The following TOP3B variants were observed in gnomAD, a reference collection of about 807,000 sequenced individuals.
TOP3B encodes the protein DNA topoisomerase III beta.
In TOP3B, 45 loss-of-function variants were observed where a neutral mutation model predicts 93.9. The observed-to-expected ratio is 0.48, with a 90% CI of 0.38 to 0.61. The LOEUF (loss-of-function observed/expected upper bound fraction) is 0.61. TOP3B is among the 20% of genes least tolerant of loss of function. The pLI is 0.00. For missense variants in TOP3B, 750 were observed against 1,156.1 expected (o/e 0.65, Z 5.09); for synonymous variants, 357 against 472.6 (o/e 0.76, Z 3.17).
At chr22:21,962,228 T>C in intron 13 of TOP3B, 1 of 1,516,358 alleles carries the variant, frequency 6.6e-7, no homozygotes, top group East Asian at 2.4e-5. Context: ...GAAGGCCAGG[T>C]CCTGAATGGA....
intron 14 of TOP3B, 119 bp downstream of exon 14, chr22:21,960,202 G>A: frequency 6.9e-7 from 1 of 1,459,614 alleles, no homozygotes; most frequent in Non-Finnish European, 9.4e-7. Context: ...GAGGGAGTGT[G>A]TGTGGGGCTG....
intron 1 of TOP3B, among the ~76,000 whole-genome samples, chr22:21,980,901 G>T (rs9622637): frequency 0.029 from 4,464 of 152,316 alleles, 201 homozygotes; most frequent in African/African-American, 0.1. Flanking sequence ...CCTGCTGAGG[G>T]AATGAATGAA....
In TOP3B at chr22:21,971,143, G is replaced by C; in HGVS notation, c.384+734C>G. 1.1e-6 allele frequency: 1 copy of C among 907,092 alleles called. No individual in the cohort carries two copies. The allele number at this position is 907,092 out of a possible 1,614,324, so 56.2% of individuals were successfully genotyped here. A position where few individuals can be genotyped will look rare whatever the true frequency, so the allele number is the denominator to read the frequency against. On this transcript the variant is annotated intron_variant, in intron 5 of 17. Coordinates refer to ENST00000357179, the MANE Select transcript of TOP3B (RefSeq NM_001282112.2). The surrounding 1 kb of genome is among the most constrained non-coding windows in gnomAD (Gnocchi z 4.6). Reference sequence around the variant, plus strand: ...CCCCAGGGAGGAGCCGCCCTGCAGGGGAGGAGAGGGTATCTGGGAAGAGAC... The same window carrying C: ...CCCCAGGGAGGAGCCGCCCTGCAGGCGAGGAGAGGGTATCTGGGAAGAGAC...
intron 2 of TOP3B, 124 bp from the exon 3 acceptor site, chr22:21,974,612 G>A: frequency 1.2e-5 from 13 of 1,117,894 alleles, no homozygotes; most frequent in South Asian, 8.1e-5. Flanking sequence ...GGTGAGTGAC[G>A]ACATTCCGCA....
intron 13 of TOP3B, 83 bp from the exon 14 acceptor site, chr22:21,960,532 C>A: frequency 6.4e-7 from 1 of 1,574,000 alleles, no homozygotes; most frequent in South Asian, 1.1e-5. Context: ...TGTCACGGGG[C>A]CCCTGGTGCT....
Position 21,958,590 on chromosome 22 carries a change from T to G in TOP3B, c.2009A>C (p.Asp670Ala), listed in dbSNP as rs753902793. Reference protein sequence around the residue: ...LYKELRCPLDDFELVLWSSGS... With the variant: ...LYKELRCPLDAFELVLWSSGS... ...TGATGACCACAGGACCAGCTCGAAG[T>G]CATCCAGAGGGCAGCGGAGCTCCTT... Residue 670 changes from aspartate (D) to alanine (A), a missense_variant, in exon 17 of 18, where the codon GAC (aspartate) becomes GCC (alanine). By Grantham distance (126) the Asp-to-Ala change is moderately radical. Around this residue, in one of 4 missense-constraint regions of TOP3B, gnomAD observed 737 missense variants for 933.7 expected, o/e 0.79. Coordinates refer to ENST00000357179, the MANE Select transcript of TOP3B (RefSeq NM_001282112.2). 2.5e-6 allele frequency: 4 copies of G among 1,613,944 alleles called. No individual in the cohort carries two copies. In the Admixed American group the frequency reaches 6.7e-5, roughly 27 times the overall value.
Position 21,963,758 on chromosome 22 carries a change from T to G in TOP3B, c.1204+165A>C, listed in dbSNP as rs1312073852. 2.2e-5 allele frequency: 15 copies of G among 673,224 alleles called. No individual in the cohort carries two copies. The East Asian group carries it at 4.1e-4, about 18-fold the overall frequency. The allele number at this position is 673,224 out of a possible 1,614,324, so 41.7% of individuals were successfully genotyped here. On this transcript the variant is annotated intron_variant, in intron 11 of 17. Transcript: ENST00000357179. This position sits in a 1 kb window ranked among gnomAD's most constrained non-coding sequence, Gnocchi z 4.8. ...TGCTACCTCTTCACTCCTGTCCTGG[T>G]CCCATAGCAATGGAGCTCATCTTCC...
At chr22:21,968,096 C>G (rs946914206) in intron 7 of TOP3B, 4 of 286,752 alleles carry the variant, frequency 1.4e-5, no homozygotes, top group African/African-American at 8.7e-5. Context: ...CAGTGTCTCA[C>G]TGTGTTGCTA....
intron 14 of TOP3B, 81 bp from the exon 15 acceptor site, chr22:21,959,817 C>A (rs112582406): frequency 6.5e-7 from 1 of 1,544,046 alleles, no homozygotes; most frequent in Non-Finnish European, 8.7e-7. Flanking sequence ...AGGGATACTG[C>A]CCTGTTCACC....
Position 21,970,268 on chromosome 22 carries a change from C to A in TOP3B, c.523G>T (p.Ala175Ser). 6.2e-7 allele frequency: 1 copy of A among 1,613,952 alleles called. No individual in the cohort carries two copies. The highest frequency in any genetic ancestry group is 8.5e-7 in the Non-Finnish European group (1 of 1,180,032). The change falls in exon 6 of 18, where the codon GCG becomes TCG. Residue 175 changes from alanine (A) to serine (S), a missense_variant. Coordinates refer to ENST00000357179, the MANE Select transcript of TOP3B (RefSeq NM_001282112.2). This position sits in a 1 kb window ranked among gnomAD's most constrained non-coding sequence, Gnocchi z 4.4. Reference sequence around the variant, plus strand: ...TCCTGGCGAGCATCCACTGAGAGCGCCTCGTTGTGGTCAGGCTCGCCTAGG... The same window carrying A: ...TCCTGGCGAGCATCCACTGAGAGCGACTCGTTGTGGTCAGGCTCGCCTAGG... ...ACLGEPDHNE[A>S]LSVDARQELD...
At chr22:21,965,141 A>C (rs2071363926) in intron 9 of TOP3B, 144 bp downstream of exon 9, 1 of 494,614 alleles carries the variant, frequency 2.0e-6, no homozygotes. Context: ...CCACCTTTAC[A>C]ACCTAAGGAT....
intron 13 of TOP3B, chr22:21,961,851 C>T (rs2071197981): frequency 6.1e-6 from 1 of 164,774 alleles, no homozygotes; most frequent in Admixed American, 5.7e-5. Context: ...TGAGACATCT[C>T]ACAGCTCCAG....
Position 21,970,319 on chromosome 22 carries a change from T to C in TOP3B, c.472A>G (p.Thr158Ala). 1 of 1,614,122 alleles carries C rather than the reference T, an allele frequency of 6.2e-7. No individual in the cohort carries two copies. The highest frequency in any genetic ancestry group is 1.3e-5 in the African/African-American group (1 of 75,042). ...CAGGCCATGGCATTACAGATGTCTGTGTCCGTGATGGAGCTAAACCTGGCC... is the reference window on the plus strand; with the variant it reads ...CAGGCCATGGCATTACAGATGTCTGCGTCCGTGATGGAGCTAAACCTGGCC... ...FRARFSSITD[T>A]DICNAMACLG... The change falls in exon 6 of 18, where the codon ACA (threonine) becomes GCA (alanine). Residue 158 changes from threonine to alanine, a missense_variant. Coordinates refer to ENST00000357179, the MANE Select transcript of TOP3B (RefSeq NM_001282112.2). This position sits in a 1 kb window ranked among gnomAD's most constrained non-coding sequence, Gnocchi z 4.4.
intron 13 of TOP3B, 112 bp downstream of exon 13, chr22:21,962,317 T>C: frequency 1.9e-6 from 3 of 1,598,136 alleles, no homozygotes; most frequent in Middle Eastern, 1.7e-4. Flanking sequence ...TACCAGCCCA[T>C]GGAGGGGTGC....
At chr22:21,958,361 T>A (rs2071013572) in intron 17 of TOP3B, 131 bp downstream of exon 17, 1 of 1,525,366 alleles carries the variant, frequency 6.6e-7, no homozygotes, top group African/African-American at 1.4e-5. Context: ...GGGTCTCTCG[T>A]CTCAGTGCCA....
chr22:21,972,695 C>G lies in TOP3B; in HGVS notation c.226G>C (p.Val76Leu). ...FLGKYNKWDKVDPAELFSQAP... is the reference protein window; with the variant it reads ...FLGKYNKWDKLDPAELFSQAP... ...TGGCTGAACAGTTCTGCGGGGTCCACTTTGTCCCATTTGTTGTATTTTCCT... is the reference window on the plus strand; with the variant it reads ...TGGCTGAACAGTTCTGCGGGGTCCAGTTTGTCCCATTTGTTGTATTTTCCT... Residue 76 changes from valine (V) to leucine (L), a missense_variant, in exon 4 of 18, where the codon GTG becomes CTG. By Grantham distance (32) the Val-to-Leu change is conservative. Coordinates refer to ENST00000357179, the MANE Select transcript of TOP3B (RefSeq NM_001282112.2). 1 of 1,613,986 alleles carries G rather than the reference C, an allele frequency of 6.2e-7. No homozygotes were observed. Among genetic ancestry groups the G allele is most frequent in the South Asian group, 1.1e-5 (1 of 91,070 alleles).
intron 8 of TOP3B, chr22:21,965,755 T>C (rs1569148478): frequency 6.4e-6 from 1 of 155,636 alleles, no homozygotes; most frequent in Non-Finnish European, 1.4e-5. Flanking sequence ...TAATCCAAGC[T>C]ACTCGTGACG....
Position 21,971,281 on chromosome 22 carries a change from G to A in TOP3B, c.384+596C>T, listed in dbSNP as rs1006122712. Reference sequence around the variant, plus strand: ...GAGAGCTGGGGGTACAGGAGCACGGGGGCGACCCATAGAACAACAGTCTGA... The same window carrying A: ...GAGAGCTGGGGGTACAGGAGCACGGAGGCGACCCATAGAACAACAGTCTGA... On this transcript the variant is annotated intron_variant, in intron 5 of 17. Coordinates refer to ENST00000357179, the MANE Select transcript of TOP3B (RefSeq NM_001282112.2). The surrounding 1 kb of genome is among the most constrained non-coding windows in gnomAD (Gnocchi z 4.6). 3.9e-6 allele frequency: 1 copy of A among 253,714 alleles called. No homozygotes were observed. Among genetic ancestry groups the A allele is most frequent in the Non-Finnish European group, 7.5e-6 (1 of 134,200 alleles). 15.7% of individuals were successfully genotyped at this position (253,714 alleles called of 1,614,324 possible). A position where few individuals can be genotyped will look rare whatever the true frequency, so the allele number is the denominator to read the frequency against.
In TOP3B at chr22:21,968,603, G is replaced by T. The variant is rs1317038192; in HGVS notation, c.738+16C>A. ...AACCCAGAAAGCCCCAGCATGAATA[G>T]AGAAAGGCAAGGAACCTTGGCCTGC... On this transcript the variant is annotated intron_variant, in intron 7 of 17. Transcript: ENST00000357179. The T allele has an allele frequency of 6.2e-7, 1 of 1,613,448 alleles. No homozygotes were observed. The highest frequency in any genetic ancestry group is 1.3e-5 in the African/African-American group (1 of 74,912).
Sources: allele counts gnomAD v4.1 joint callset (sites outside exome capture counted in the v4.1 genomes callset), GRCh38; gene constraint gnomAD v4.1.1; regional missense constraint gnomAD v4.1.1; non-coding constraint Gnocchi (gnomAD v3.1); transcripts MANE v1.5; gene names NCBI Gene and HGNC (gene_info 2026-07-23, HGNC 2026-07-21).